Variants in ROS1 observed in about 807,000 individuals in gnomAD.
ROS1 encodes the protein ROS proto-oncogene 1, receptor tyrosine kinase.
A neutral mutation model predicts 273.5 loss-of-function variants in ROS1; 263 were observed. That is an observed-to-expected ratio of 0.96 (90% CI 0.87 to 1.06). ROS1 has a LOEUF of 1.06. Ranked by LOEUF, ROS1 falls within the 50% of genes least tolerant of loss-of-function variation. The pLI is 0.00. For synonymous variants in ROS1, 1,008 were observed against 954.1 expected (o/e 1.06, Z -1.04); for missense variants, 2,833 against 2,751.1 (o/e 1.03, Z -0.67).
At chr6:117,305,792 A>G (rs1242279734) in intron 42 of ROS1, among the ~76,000 whole-genome samples, 1 of 152,166 alleles carries the variant, frequency 6.6e-6, no homozygotes, top group Non-Finnish European at 1.5e-5. Flanking sequence ...CCTTACAAAT[A>G]TGTCCTTGTC....
chr6:117,297,460 G>A (rs1480526131), intron 43 of ROS1, among the ~76,000 whole-genome samples: 1 of 152,080 alleles, frequency 6.6e-6, no homozygotes, highest in Admixed American at 6.6e-5. Flanking sequence ...TATTTGCAAA[G>A]TATTCACTCA....
chr6:117,365,217 C>G lies in ROS1; in HGVS notation c.2959-13G>C. ...CACTAGCCAAGAACTAAAATATAAACAGAAAACATTATTTTCTCAGGGAGA... is the reference window on the plus strand; with the variant it reads ...CACTAGCCAAGAACTAAAATATAAAGAGAAAACATTATTTTCTCAGGGAGA... On this transcript the variant is annotated splice_polypyrimidine_tract_variant and intron_variant, in intron 20 of 43. Transcript: ENST00000368507. 1 of 1,565,488 alleles carries G rather than the reference C, an allele frequency of 6.4e-7. No homozygotes were observed. The highest frequency in any genetic ancestry group is 8.7e-7 in the Non-Finnish European group (1 of 1,153,700).
intron 28 of ROS1, among the ~76,000 whole-genome samples, chr6:117,343,495 T>A (rs1414282109): frequency 6.6e-6 from 1 of 152,178 alleles, no homozygotes; most frequent in Admixed American, 6.5e-5. Context: ...ATAGTGCCAA[T>A]TCATTCAAGA....
intron 43 of ROS1, among the ~76,000 whole-genome samples, chr6:117,291,351 T>G (rs1367663294): frequency 1.3e-5 from 2 of 152,254 alleles, no homozygotes; most frequent in African/African-American, 4.8e-5. Flanking sequence ...ACTTAGAATT[T>G]TAATTCTTTC....
chr6:117,400,189 C>T (rs1032839721), intron 7 of ROS1, among the ~76,000 whole-genome samples: 1 of 152,178 alleles, frequency 6.6e-6, no homozygotes, highest in African/African-American at 2.4e-5. Flanking sequence ...CTCTCCTCAC[C>T]TCATGTCTAA....
intron 42 of ROS1, among the ~76,000 whole-genome samples, chr6:117,306,030 G>GTTTTT (rs78945275): frequency 4.1e-5 from 5 of 123,090 alleles, no homozygotes; most frequent in Non-Finnish European, 3.4e-5. Context: ...TTCTCCTCAA[G>GTTTTT]TTTTTTTTTT....
At chr6:117,391,015 C>A (rs1316795664) in intron 12 of ROS1, among the ~76,000 whole-genome samples, 1 of 152,078 alleles carries the variant, frequency 6.6e-6, no homozygotes, top group Admixed American at 6.6e-5. Flanking sequence ...AAATTCTTAT[C>A]CCAACCCCAA....
chr6:117,347,292 T>C (rs1414761845), intron 27 of ROS1, among the ~76,000 whole-genome samples: 1 of 152,110 alleles, frequency 6.6e-6, no homozygotes, highest in Non-Finnish European at 1.5e-5. Flanking sequence ...GCTGTTAGAT[T>C]TATACCTAAG....
At position 117,311,061 on chromosome 6, in the gene ROS1, T is replaced by C. The variant is rs1043104807; in HGVS notation, c.6174A>G (p.Ser2058=). 7.5e-6 allele frequency: 12 copies of C among 1,610,728 alleles called. No homozygotes were observed. Among genetic ancestry groups the C allele is most frequent in the Non-Finnish European group, 1.0e-5 (12 of 1,178,492 alleles). Residue 2058 remains serine, a synonymous_variant, in exon 40 of 44, where the codon TCA becomes TCG. Coordinates refer to ENST00000368507, the MANE Select transcript of ROS1 (RefSeq NM_001378902.1). Reference sequence around the variant, plus strand: ...TCCGTTCCAAGTAGACACAGCCTTTTGAAATATCTACACACAGGTCTACAA... The same window carrying C: ...TCCGTTCCAAGTAGACACAGCCTTTCGAAATATCTACACACAGGTCTACAA... ...VDLVDLCVDI[S]KGCVYLERMH...
intron 38 of ROS1, among the ~76,000 whole-genome samples, chr6:117,317,830 T>C (rs1776023018): frequency 6.6e-6 from 1 of 152,164 alleles, no homozygotes; most frequent in South Asian, 2.1e-4. Flanking sequence ...AAGGATATTT[T>C]CACTGACATT....
At chr6:117,360,710 T>A (rs996898145) in intron 22 of ROS1, among the ~76,000 whole-genome samples, 1 of 152,282 alleles carries the variant, frequency 6.6e-6, no homozygotes, top group Admixed American at 6.5e-5. Context: ...TGGTGATGAA[T>A]GTCTAATTAA....
chr6:117,408,049 T>G (rs1204095649), intron 5 of ROS1, among the ~76,000 whole-genome samples: 1 of 151,998 alleles, frequency 6.6e-6, no homozygotes, highest in African/African-American at 2.4e-5. Flanking sequence ...TTACACCTTA[T>G]ACAAAAATTA....
At chr6:117,390,301 A>G (rs1224034467) in intron 12 of ROS1, among the ~76,000 whole-genome samples, 3 of 151,872 alleles carry the variant, frequency 2.0e-5, no homozygotes, top group African/African-American at 4.8e-5. Context: ...TAATTTTTGT[A>G]TTTTTTGTGG....
In ROS1 at chr6:117,324,384, T is replaced by C. The variant is rs2128575045; in HGVS notation, c.5571A>G (p.Ile1857Met). 2.6e-6 allele frequency: 4 copies of C among 1,515,900 alleles called. No individual in the cohort carries two copies. Among genetic ancestry groups the C allele is most frequent in the East Asian group, 2.3e-5 (1 of 44,106 alleles). The allele number at this position is 1,515,900 out of a possible 1,614,324, so 93.9% of individuals were successfully genotyped here. ...DDFWIPETSF[I>M]LTIIVGIFLV... ...GAAATATTCCAACTATAATAGTAAG[T>C]ATGAAACTTGTTTCTGGTATCCAAA... Residue 1857 changes from isoleucine (I) to methionine (M), a missense_variant, in exon 35 of 44, where the codon ATA becomes ATG. By Grantham distance (10) the Ile-to-Met change is conservative. Transcript: ENST00000368507.
At chr6:117,401,815 A>AAAC (rs1562368773) in intron 7 of ROS1, among the ~76,000 whole-genome samples, 1 of 151,384 alleles carries the variant, frequency 6.6e-6, no homozygotes, top group African/African-American at 2.4e-5. Context: ...AAAAAAAAAA[A>AAAC]AAAAAAAAAC....
In ROS1 at chr6:117,288,648, T is replaced by C; in HGVS notation, c.6870A>G (p.Glu2290=). The change falls in exon 44 of 44, where the codon GAA becomes GAG. Residue 2290 remains glutamate, a synonymous_variant. Transcript: ENST00000368507. The stretch of plus-strand genomic sequence containing the variant: ...CTTTCCTCAGACCACAAGATTCAGA[T>C]TCCTGGGAGCCTAGAGGACCCTCAG... ...EKSEGPLGSQ[E]SESCGLRKEE... is the part of the protein sequence containing the mutation. 2.5e-6 allele frequency: 4 copies of C among 1,614,170 alleles called. No homozygotes were observed. The highest frequency in any genetic ancestry group is 3.4e-6 in the Non-Finnish European group (4 of 1,180,040).
intron 7 of ROS1, among the ~76,000 whole-genome samples, chr6:117,401,781 C>CA (rs1312697546): frequency 5.5e-5 from 1 of 18,182 alleles, no homozygotes; most frequent in Non-Finnish European, 1.1e-4. Context: ...AAATATAATA[C>CA]AAAAAATAAC....
At chr6:117,376,233 A>G (rs1781320826) in intron 18 of ROS1, among the ~76,000 whole-genome samples, 1 of 152,148 alleles carries the variant, frequency 6.6e-6, no homozygotes, top group Non-Finnish European at 1.5e-5. Context: ...TGATATTAAG[A>G]GGATATTATA....
At chr6:117,350,910 T>C (rs1012743642) in intron 27 of ROS1, among the ~76,000 whole-genome samples, 1 of 152,176 alleles carries the variant, frequency 6.6e-6, no homozygotes, top group African/African-American at 2.4e-5. Context: ...CTTTATCCAT[T>C]AGAGCCCCTA....
Sources: allele counts gnomAD v4.1 joint callset (sites outside exome capture counted in the v4.1 genomes callset), GRCh38; gene constraint gnomAD v4.1.1; transcripts MANE v1.5; gene names NCBI Gene and HGNC (gene_info 2026-07-23, HGNC 2026-07-21).